The following TMEM217 variants were observed in gnomAD, a reference collection of about 807,000 sequenced individuals.
TMEM217 encodes the protein transmembrane protein 217.
For synonymous variants in TMEM217, 76 were observed against 88.3 expected, an observed-to-expected ratio of 0.86 and a Z score of 0.78; for missense variants, 204 against 248.8, an observed-to-expected ratio of 0.82 and a Z score of 1.21.
In TMEM217 at chr6:37,223,971, T is replaced by C. The variant is rs1400012192; in HGVS notation, c.-11-4930A>G. The stretch of plus-strand genomic sequence containing the variant: ...TTTTTTTCTGGAGACAGGATCTCAC[T>C]CTGTCACCAGGCTGGAATGCAGTGG... On this transcript the variant is annotated intron_variant, in intron 1 of 1. Coordinates refer to ENST00000357219, the Ensembl canonical transcript of TMEM217. 3.4e-5 allele frequency among the ~76,000 whole-genome samples: 5 copies of C among 145,468 alleles called. No individual in the cohort carries two copies. The Admixed American group carries it at 3.5e-4, about 10-fold the overall frequency.
downstream of TMEM217, among the ~76,000 whole-genome samples, chr6:37,215,570 C>CAAAAAAAAAAAA (rs34808595): frequency 6.8e-3 from 490 of 72,388 alleles, 2 homozygotes; most frequent in Non-Finnish European, 8.7e-3. Context: ...GACTCTGTCT[C>CAAAAAAAAAAAA]AAAAAAAAAA....
intron 1 of TMEM217, among the ~76,000 whole-genome samples, chr6:37,253,552 G>C (rs1203845484): frequency 6.6e-6 from 1 of 152,072 alleles, no homozygotes; most frequent in Non-Finnish European, 1.5e-5. Context: ...ATACTATAAA[G>C]CTCTCTTGCT....
rs905285019 is a variant in TMEM217 at position 37,229,503 on chromosome 6, C to T, written c.-11-10462G>A. Among the ~76,000 whole-genome samples the T allele has an allele frequency of 3.3e-5, 5 of 151,900 alleles. No homozygotes were observed. In the South Asian group the frequency reaches 6.2e-4, roughly 19 times the overall value. ...GACTACAGGCGCCCGCCACCACGCCCGGCTAATTTTTTGTATTTTTAGTAG... is the reference window on the plus strand; with the variant it reads ...GACTACAGGCGCCCGCCACCACGCCTGGCTAATTTTTTGTATTTTTAGTAG... On this transcript the variant is annotated intron_variant, in intron 1 of 1. Transcript: ENST00000357219.
At chr6:37,254,726 T>C (rs1765621695) in intron 1 of TMEM217, among the ~76,000 whole-genome samples, 1 of 152,230 alleles carries the variant, frequency 6.6e-6, no homozygotes, top group Non-Finnish European at 1.5e-5. Flanking sequence ...CCAAACACTA[T>C]TCTAGGTGCT....
chr6:37,241,625 C>A (rs568462417), intron 1 of TMEM217, among the ~76,000 whole-genome samples: 3 of 152,284 alleles, frequency 2.0e-5, no homozygotes, highest in African/African-American at 7.2e-5. Context: ...CATCTGGATT[C>A]TGGGTCATCC....
chr6:37,253,489 GC>G (rs1418232193), intron 1 of TMEM217, among the ~76,000 whole-genome samples: 2 of 151,884 alleles, frequency 1.3e-5, no homozygotes, highest in African/African-American at 4.8e-5. Context: ...TTATCCCCTT[GC>G]CTTCTCTAAT....
At chr6:37,253,640 C>T (rs183256341) in intron 1 of TMEM217, among the ~76,000 whole-genome samples, 3 of 152,274 alleles carry the variant, frequency 2.0e-5, no homozygotes, top group Admixed American at 2.0e-4. Flanking sequence ...GCTTCTTGCT[C>T]TCATTTCTTA....
rs145131412 is a variant in TMEM217, at chr6:37,231,936, C to T, written c.-11-12895G>A. ...AAAAAAAATTACAGAATCTCAGTCC[C>T]TAGCCCAGACTTACTAAAATCAGAA... is the stretch of plus-strand genomic sequence containing the variant. On this transcript the variant is annotated intron_variant, in intron 1 of 1. Coordinates refer to ENST00000357219, the Ensembl canonical transcript of TMEM217. Among the ~76,000 whole-genome samples the T allele has an allele frequency of 1.3e-3, 190 of 151,890 alleles. 5 individuals are homozygous for T. In the East Asian group the frequency reaches 0.028, roughly 22 times the overall value.
chr6:37,241,103 T>C (rs920544787), intron 1 of TMEM217, among the ~76,000 whole-genome samples: 19 of 150,208 alleles, frequency 1.3e-4, no homozygotes, highest in African/African-American at 4.4e-4. Flanking sequence ...ATTACTCTTT[T>C]TTTTTTTTTT....
intron 1 of TMEM217, among the ~76,000 whole-genome samples, chr6:37,252,215 T>C (rs1240533280): frequency 6.6e-6 from 1 of 152,202 alleles, no homozygotes; most frequent in Non-Finnish European, 1.5e-5. Context: ...TTTTTAATTG[T>C]TGAAAAACTT....
chr6:37,229,354 T>TTTG (rs1159964300), intron 1 of TMEM217, among the ~76,000 whole-genome samples: 2 of 140,844 alleles, frequency 1.4e-5, no homozygotes, highest in African/African-American at 5.4e-5. Context: ...TTTTTTTTTT[T>TTTG]TTTTTTGAGA....
chr6:37,239,576 G>A (rs1276235129), intron 1 of TMEM217, among the ~76,000 whole-genome samples: 3 of 152,052 alleles, frequency 2.0e-5, no homozygotes, highest in African/African-American at 7.2e-5. Context: ...GTATTTCAGT[G>A]GTACCTAAGA....
At chr6:37,236,378 G>T (rs536953953) in intron 1 of TMEM217, among the ~76,000 whole-genome samples, 1 of 152,254 alleles carries the variant, frequency 6.6e-6, no homozygotes, top group South Asian at 2.1e-4. Flanking sequence ...TTTCTGAGTG[G>T]GTTATTTTTA....
downstream of TMEM217, among the ~76,000 whole-genome samples, chr6:37,216,694 C>G (rs1763224711): frequency 2.0e-5 from 3 of 152,096 alleles, no homozygotes; most frequent in Admixed American, 1.3e-4. Flanking sequence ...TGACTGTCCC[C>G]TTCAAAATTC....
At chr6:37,239,347 G>T (rs1459137005) in intron 1 of TMEM217, among the ~76,000 whole-genome samples, 1 of 151,808 alleles carries the variant, frequency 6.6e-6, no homozygotes, top group Non-Finnish European at 1.5e-5. Context: ...AAATTAGCTG[G>T]GCTTGGTGGC....
At chr6:37,256,048 AG>A (rs1765708084) in intron 1 of TMEM217, among the ~76,000 whole-genome samples, 1 of 152,364 alleles carries the variant, frequency 6.6e-6, no homozygotes, top group Admixed American at 6.5e-5. Flanking sequence ...AGATATGTCT[AG>A]ATACACAAAT....
chr6:37,228,047 C>T (rs796350925), intron 1 of TMEM217, among the ~76,000 whole-genome samples: 1 of 152,124 alleles, frequency 6.6e-6, no homozygotes, highest in Non-Finnish European at 1.5e-5. Flanking sequence ...GAGTCTCAAA[C>T]TCTAAGGACT....
At chr6:37,215,866 A>G (rs1289122240), downstream of TMEM217, among the ~76,000 whole-genome samples, 1 of 152,180 alleles carries the variant, frequency 6.6e-6, no homozygotes, top group Admixed American at 6.5e-5. Context: ...TTTTGGAAAC[A>G]GCAAGTTTGC....
At chr6:37,225,186 C>T (rs1046073823) in intron 1 of TMEM217, among the ~76,000 whole-genome samples, 8 of 151,360 alleles carry the variant, frequency 5.3e-5, no homozygotes, top group African/African-American at 1.9e-4. Context: ...GGTGACAGAG[C>T]GAGACTCTGA....
Sources: gnomAD v4.1 joint callset for allele counts (sites outside exome capture counted in the v4.1 genomes callset) on GRCh38, gnomAD v4.1.1 for gene constraint, MANE v1.5 for transcripts, NCBI Gene and HGNC (gene_info 2026-07-23, HGNC 2026-07-21) for gene names.